CELF2: variants seen among roughly 807,000 people sequenced by gnomAD.
CELF2 encodes the protein CUGBP Elav-like family member 2, also known as CUG triplet repeat RNA-binding protein 2.
Under a neutral mutation model 62.6 loss-of-function variants are expected in CELF2, and 8 were observed. That is an observed-to-expected ratio of 0.13 (90% CI 0.07 to 0.23). The LOEUF (loss-of-function observed/expected upper bound fraction) is 0.23. CELF2 is among the 10% of genes least tolerant of loss of function. The pLI, the probability that CELF2 is intolerant of heterozygous loss-of-function variation, is 1.00. For synonymous variants in CELF2, 258 were observed against 250.0 expected (o/e 1.03, Z -0.30); for missense variants, 333 against 671.0 (o/e 0.50, Z 5.56).
At chr10:10,684,099 A>C in the CELF2 span, among the ~76,000 whole-genome samples, 5 of 152,202 alleles carry the variant, frequency 3.3e-5, no homozygotes, top group African/African-American at 1.2e-4. Flanking sequence ...TACATATCAC[A>C]GGGATTCCTA....
At chr10:10,678,785 G>A in the CELF2 span, among the ~76,000 whole-genome samples, 1 of 152,200 alleles carries the variant, frequency 6.6e-6, no homozygotes, top group East Asian at 1.9e-4. Flanking sequence ...CATGGAGGAA[G>A]TTATAGTTCT....
intron 1 of CELF2, among the ~76,000 whole-genome samples, chr10:11,037,710 G>A (rs2061192427): frequency 6.6e-6 from 1 of 152,138 alleles, no homozygotes; most frequent in Admixed American, 6.5e-5. Flanking sequence ...ACTCAGTATT[G>A]TACGAGGTGA....
rs567877201 is a variant in CELF2, at chr10:10,970,236, T to C, written c.89+50237T>C. 3.2e-4 allele frequency among the ~76,000 whole-genome samples: 49 copies of C among 152,136 alleles called. No homozygotes were observed. The East Asian group carries it at 6.0e-3, about 19-fold the overall frequency. On this transcript the variant is annotated intron_variant, in intron 2 of 13. Coordinates refer to the CELF2 transcript ENST00000636488. Reference sequence around the variant, plus strand: ...GGTGTGCACCACCATGCCTGGCTAGTTTTTGCTTTTAAGAGATACGGGGTT... The same window carrying C: ...GGTGTGCACCACCATGCCTGGCTAGCTTTTGCTTTTAAGAGATACGGGGTT...
the CELF2 span, among the ~76,000 whole-genome samples, chr10:10,752,657 T>A: frequency 2.9e-4 from 33 of 115,042 alleles, no homozygotes; most frequent in Middle Eastern, 0.011. Flanking sequence ...ACCACTGCAC[T>A]CCAGCCTGAT....
At position 10,938,984 on chromosome 10, in the gene CELF2, G is replaced by A. The variant is rs1414945322; in HGVS notation, c.89+18985G>A. 3.9e-5 allele frequency among the ~76,000 whole-genome samples: 6 copies of A among 152,320 alleles called. No homozygotes were observed. In the East Asian group the frequency reaches 1.2e-3, roughly 29 times the overall value. ...AAAATCCCTCTCTGAAAGTCAGAAA[G>A]CCTGAGATCCACAAGCTTCTTGGGG... On this transcript the variant is annotated intron_variant, in intron 2 of 13. Transcript: ENST00000636488. The surrounding 1 kb of genome is among the most constrained non-coding windows in gnomAD (Gnocchi z 4.2).
chr10:11,014,625 G>A (rs1394516352), upstream of CELF2, among the ~76,000 whole-genome samples: 1 of 147,766 alleles, frequency 6.8e-6, no homozygotes, highest in Non-Finnish European at 1.5e-5. Flanking sequence ...CATTGAGTGT[G>A]TTTTTTTTTT....
At chr10:10,575,168 G>C in the CELF2 span, among the ~76,000 whole-genome samples, 62 of 152,142 alleles carry the variant, frequency 4.1e-4, no homozygotes, top group African/African-American at 1.5e-3. Context: ...CTATACATAT[G>C]GTGTTTCACT....
intron 3 of CELF2, among the ~76,000 whole-genome samples, chr10:11,232,433 G>C (rs2069105724): frequency 6.6e-6 from 1 of 152,006 alleles, no homozygotes; most frequent in Non-Finnish European, 1.5e-5. Flanking sequence ...GTGATCTTGG[G>C]GGGAAAAAAT....
At chr10:10,551,225 C>CT in the CELF2 span, among the ~76,000 whole-genome samples, 1 of 152,168 alleles carries the variant, frequency 6.6e-6, no homozygotes, top group African/African-American at 2.4e-5. Context: ...CAACTGTAGT[C>CT]TTAAGAGGCC....
the CELF2 span, among the ~76,000 whole-genome samples, chr10:10,669,656 A>G: frequency 6.6e-6 from 1 of 152,166 alleles, no homozygotes; most frequent in African/African-American, 2.4e-5. Context: ...CACTCCTTAA[A>G]TGCAATCTGC....
chr10:10,920,650 C>T (rs1360065668), intron 2 of CELF2, among the ~76,000 whole-genome samples: 1 of 150,650 alleles, frequency 6.6e-6, no homozygotes, highest in Non-Finnish European at 1.5e-5. Context: ...AAATAACTAG[C>T]CATCAAGGAT....
chr10:11,259,215 G>A (rs1298759594), intron 5 of CELF2, among the ~76,000 whole-genome samples: 1 of 152,202 alleles, frequency 6.6e-6, no homozygotes, highest in Non-Finnish European at 1.5e-5. Context: ...AGTTTGACCT[G>A]ACTTCAGCAC....
intron 1 of CELF2, among the ~76,000 whole-genome samples, chr10:10,840,600 A>T (rs543432772): frequency 2.0e-5 from 3 of 152,280 alleles, no homozygotes; most frequent in African/African-American, 7.2e-5. Flanking sequence ...TTTGGATACA[A>T]GTCCTTTATC....
the CELF2 span, among the ~76,000 whole-genome samples, chr10:10,688,449 T>A: frequency 6.6e-6 from 1 of 152,156 alleles, no homozygotes; most frequent in East Asian, 1.9e-4. Context: ...CCCAGCCTCC[T>A]CCATTTAGTG....
At chr10:11,210,642 T>A (rs2061566215) in intron 2 of CELF2, among the ~76,000 whole-genome samples, 1 of 152,210 alleles carries the variant, frequency 6.6e-6, no homozygotes, top group East Asian at 1.9e-4. Flanking sequence ...AGAGAACACC[T>A]TACACAGGGG....
intron 1 of CELF2, among the ~76,000 whole-genome samples, chr10:11,155,294 A>G (rs542122923): frequency 8.5e-5 from 13 of 152,324 alleles, no homozygotes; most frequent in Admixed American, 2.6e-4. Context: ...GGGAATGGCT[A>G]GGGAACACAT....
intron 1 of CELF2, among the ~76,000 whole-genome samples, chr10:11,072,509 G>A (rs767443525): frequency 6.6e-5 from 10 of 152,184 alleles, no homozygotes; most frequent in Non-Finnish European, 8.8e-5. Flanking sequence ...CTTGCCCCTG[G>A]GAGGCCACGG....
At chr10:10,492,854 A>G in the CELF2 span, among the ~76,000 whole-genome samples, 3 of 151,942 alleles carry the variant, frequency 2.0e-5, no homozygotes, top group Non-Finnish European at 2.9e-5. Flanking sequence ...TACTGTTCTC[A>G]TGGTAGTGAA....
At chr10:11,094,570 A>G (rs185202967) in intron 1 of CELF2, among the ~76,000 whole-genome samples, 110 of 152,324 alleles carry the variant, frequency 7.2e-4, no homozygotes, top group Non-Finnish European at 1.2e-3. Flanking sequence ...TTTTCCTGAC[A>G]ACAATTTCTT....
Sources: gnomAD v4.1 joint callset for allele counts (sites outside exome capture counted in the v4.1 genomes callset) on GRCh38, gnomAD v4.1.1 for gene constraint, Gnocchi (gnomAD v3.1) non-coding constraint, MANE v1.5 for transcripts, NCBI Gene and HGNC (gene_info 2026-07-23, HGNC 2026-07-21) for gene names.